Variants in CS observed in about 807,000 individuals in gnomAD.
The protein encoded by CS is citrate synthase, also known as citrate synthase, mitochondrial.
In CS, 13 loss-of-function variants were observed where a neutral mutation model predicts 61.4. That is an observed-to-expected ratio of 0.21 (90% CI 0.14 to 0.34). CS has a LOEUF of 0.34. Among genes scored for constraint, CS ranks in the 10% least tolerant of loss-of-function variants. The pLI is 1.00. For missense variants in CS, 278 were observed against 573.4 expected (o/e 0.48, Z 5.26); for synonymous variants, 159 against 215.2 (o/e 0.74, Z 2.29).
At chr12:56,294,999 C>T (rs1873251322) in intron 1 of CS, among the ~76,000 whole-genome samples, 1 of 151,946 alleles carries the variant, frequency 6.6e-6, no homozygotes, top group Non-Finnish European at 1.5e-5. Flanking sequence ...CTCCTGACCT[C>T]AAGTGATCTG....
At chr12:56,299,346 G>A (rs1873405183) in intron 1 of CS, among the ~76,000 whole-genome samples, 2 of 152,314 alleles carry the variant, frequency 1.3e-5, no homozygotes, top group South Asian at 2.1e-4. Flanking sequence ...GGACCCCAAA[G>A]AAGGAGAGAA....
chr12:56,290,726 T>A (rs1873095775), intron 1 of CS, among the ~76,000 whole-genome samples: 1 of 152,196 alleles, frequency 6.6e-6, no homozygotes, highest in African/African-American at 2.4e-5. Flanking sequence ...AAAGGAAGTC[T>A]GGGTTCTAGT....
intron 1 of CS, among the ~76,000 whole-genome samples, chr12:56,296,129 G>T (rs1873298331): frequency 1.3e-5 from 2 of 151,978 alleles, no homozygotes; most frequent in South Asian, 4.1e-4. Context: ...AATGCCCACT[G>T]TGAGTTTACA....
intron 3 of CS, 29 bp downstream of exon 3, chr12:56,285,887 T>C: frequency 1.3e-6 from 2 of 1,573,732 alleles, no homozygotes; most frequent in Non-Finnish European, 1.7e-6. Flanking sequence ...CAGAGCTACT[T>C]TTCCCAGCCA....
chr12:56,286,742 C>T, intron 1 of CS, 97 bp from the exon 2 acceptor site: 1 of 1,107,092 alleles, frequency 9.0e-7, no homozygotes, highest in East Asian at 2.5e-5. Context: ...CTCTCTTCAT[C>T]TCAGTCTCTT....
At chr12:56,285,289 T>C in intron 3 of CS, 1 of 441,158 alleles carries the variant, frequency 2.3e-6, no homozygotes, top group Non-Finnish European at 4.6e-6. Context: ...ATCTTTCTTT[T>C]TGTTTGTTTT....
chr12:56,296,769 T>C (rs1047709852), intron 1 of CS, among the ~76,000 whole-genome samples: 6 of 152,136 alleles, frequency 3.9e-5, no homozygotes, highest in African/African-American at 1.4e-4. Flanking sequence ...TAAAGGCCAC[T>C]GGGAAGACCA....
intron 6 of CS, among the ~76,000 whole-genome samples, chr12:56,278,559 A>C (rs1458054870): frequency 6.6e-6 from 1 of 151,974 alleles, no homozygotes; most frequent in Non-Finnish European, 1.5e-5. Context: ...CAACAAGGCA[A>C]AACCCCATCT....
chr12:56,283,455 G>A (rs968182553), intron 4 of CS, among the ~76,000 whole-genome samples: 2 of 152,050 alleles, frequency 1.3e-5, no homozygotes, highest in African/African-American at 4.8e-5. Flanking sequence ...GTGTTAGCCA[G>A]GACGGTCTCA....
chr12:56,299,910 G>C (rs1316286979), intron 1 of CS: 2 of 451,432 alleles, frequency 4.4e-6, no homozygotes, highest in African/African-American at 4.3e-5. Context: ...GGTGACAGCA[G>C]GGTCGGCCTC....
rs113245305 is a variant in CS at position 56,274,386 on chromosome 12, C to T, written c.1020+391G>A. ...GGCTGGTCTCAAACTCCTGGGCTCACGAGATCCATCCACCCTGGACTCCCA... is the reference window on the plus strand; with the variant it reads ...GGCTGGTCTCAAACTCCTGGGCTCATGAGATCCATCCACCCTGGACTCCCA... On this transcript the variant is annotated intron_variant, in intron 9 of 10. Coordinates refer to ENST00000351328, the MANE Select transcript of CS (RefSeq NM_004077.3). The T allele has an allele frequency of 1.9e-4, 32 of 165,944 alleles. 1 individual carries two copies. In the South Asian group the frequency reaches 2.4e-3, roughly 12 times the overall value. 10.3% of individuals were successfully genotyped at this position (165,944 alleles called of 1,614,324 possible).
Position 56,275,270 on chromosome 12 carries a change from C to G in CS, c.789-139G>C, listed in dbSNP as rs546585851. 8 of 1,002,464 alleles carry G rather than the reference C, an allele frequency of 8.0e-6. No individual in the cohort carries two copies. In the Admixed American group the frequency reaches 1.9e-4, roughly 23 times the overall value. The allele number at this position is 1,002,464 out of a possible 1,614,324, so 62.1% of individuals were successfully genotyped here. On this transcript the variant is annotated intron_variant, in intron 7 of 10. Transcript: ENST00000351328. ...ATAGCCAGTCAGTTATACCTAAACT[C>G]TTGTAAAAGACATCCTAATCTTGGC...
intron 1 of CS, chr12:56,291,269 C>A: frequency 9.0e-7 from 1 of 1,105,968 alleles, no homozygotes; most frequent in Admixed American, 4.8e-5. Context: ...AAGAGGCAGT[C>A]AAGCCTGAGG....
Position 56,276,009 on chromosome 12 carries a change from G to A in CS, c.775C>T (p.Leu259Phe). The A allele has an allele frequency of 9.9e-6, 16 of 1,614,174 alleles. No homozygotes were observed. Among genetic ancestry groups the A allele is most frequent in the Non-Finnish European group, 1.4e-5 (16 of 1,180,028 alleles). ...GGTCTAGCTTACCTGTGGATGGTGAGGTACAGGCGCGTGAGCTCAGTGAAC... is the reference window on the plus strand; with the variant it reads ...GGTCTAGCTTACCTGTGGATGGTGAAGTACAGGCGCGTGAGCTCAGTGAAC... ...HQFTELTRLY[L>F]TIHSDHEGGN... The change falls in exon 7 of 11, where the codon CTC becomes TTC. Residue 259 changes from leucine (L) to phenylalanine (F), a missense_variant. By Grantham distance (22) the Leu-to-Phe change is conservative (BLOSUM62 0). Coordinates refer to ENST00000351328, the MANE Select transcript of CS (RefSeq NM_004077.3).
chr12:56,288,765 C>A (rs1873023482), intron 1 of CS, among the ~76,000 whole-genome samples: 1 of 151,840 alleles, frequency 6.6e-6, no homozygotes, highest in Non-Finnish European at 1.5e-5. Flanking sequence ...ACTTCCACCT[C>A]AGCCTCCTGA....
At position 56,300,255 on chromosome 12, in the gene CS, CA is replaced by C. The variant is rs1300828439; in HGVS notation, c.-55del. On this transcript the variant is annotated 5_prime_UTR_variant, in exon 1 of 11. Coordinates refer to ENST00000351328, the MANE Select transcript of CS (RefSeq NM_004077.3). ...AGGTAAGAAAGGGAGAGAGCTGCGGCAGGAACAGGAGCCGCCGCCGCTGCAC... is the reference window on the plus strand; with the variant it reads ...AGGTAAGAAAGGGAGAGAGCTGCGGCGGAACAGGAGCCGCCGCCGCTGCAC... The C allele has an allele frequency of 6.6e-7, 1 of 1,525,052 alleles. No individual in the cohort carries two copies. Among genetic ancestry groups the C allele is most frequent in the African/African-American group, 1.4e-5 (1 of 70,878 alleles). 94.5% of individuals were successfully genotyped at this position (1,525,052 alleles called of 1,614,324 possible).
At chr12:56,292,812 G>A (rs949625574) in intron 1 of CS, among the ~76,000 whole-genome samples, 50 of 151,854 alleles carry the variant, frequency 3.3e-4, no homozygotes, top group African/African-American at 1.2e-3. Flanking sequence ...GCTGAGGCAG[G>A]AGAATGGCGT....
intron 1 of CS, among the ~76,000 whole-genome samples, chr12:56,292,716 C>G (rs1272335319): frequency 3.1e-5 from 4 of 130,622 alleles, no homozygotes; most frequent in Non-Finnish European, 4.7e-5. Flanking sequence ...AACCCCATCT[C>G]TACTAAAAAA....
chr12:56,298,054 A>G (rs1358313332), intron 1 of CS, among the ~76,000 whole-genome samples: 1 of 151,304 alleles, frequency 6.6e-6, no homozygotes, highest in African/African-American at 2.4e-5. Flanking sequence ...GCTGGAGTGC[A>G]ATGGAGCGAT....
Sources: gnomAD v4.1 joint callset for allele counts (sites outside exome capture counted in the v4.1 genomes callset) on GRCh38, gnomAD v4.1.1 for gene constraint, MANE v1.5 for transcripts, NCBI Gene and HGNC (gene_info 2026-07-23, HGNC 2026-07-21) for gene names.